The following AKAP6 variants were observed in gnomAD, a reference collection of about 807,000 sequenced individuals.
The protein encoded by AKAP6 is A-kinase anchor protein 6.
A neutral mutation model predicts 188.5 loss-of-function variants in AKAP6; 58 were observed. The observed-to-expected ratio is 0.31, with a 90% CI of 0.25 to 0.38. The LOEUF is 0.38. AKAP6 is among the 10% of genes least tolerant of loss of function. AKAP6 has a pLI of 1.00. For synonymous variants in AKAP6, 989 were observed against 998.6 expected (o/e 0.99, Z 0.18); for missense variants, 2,710 against 2,740.0 (o/e 0.99, Z 0.24).
chr14:32,493,742 A>G (rs1880160869), intron 2 of AKAP6, among the ~76,000 whole-genome samples: 1 of 152,178 alleles, frequency 6.6e-6, no homozygotes, highest in South Asian at 2.1e-4. Context: ...ATTCTATAAT[A>G]TTCCAGAATT....
intron 2 of AKAP6, among the ~76,000 whole-genome samples, chr14:32,439,619 C>T (rs1236588009): frequency 6.6e-6 from 1 of 152,114 alleles, no homozygotes; most frequent in Admixed American, 6.5e-5. Flanking sequence ...CCTCAGATGG[C>T]AGTGGTGCCA....
At chr14:32,475,149 C>T (rs1037622095) in intron 2 of AKAP6, among the ~76,000 whole-genome samples, 2 of 152,090 alleles carry the variant, frequency 1.3e-5, no homozygotes, top group South Asian at 2.1e-4. Context: ...CTTTGTTCAG[C>T]GCTTACTATA....
chr14:32,800,851 C>CA (rs567454959), intron 12 of AKAP6, among the ~76,000 whole-genome samples: 11 of 151,260 alleles, frequency 7.3e-5, no homozygotes, highest in African/African-American at 1.5e-4. Context: ...CCCATCTATG[C>CA]AAAAAAAATA....
intron 8 of AKAP6, among the ~76,000 whole-genome samples, chr14:32,678,888 T>A (rs1232516634): frequency 6.6e-6 from 1 of 152,202 alleles, no homozygotes; most frequent in Non-Finnish European, 1.5e-5. Context: ...GTGTAGAAAT[T>A]TAATAATTGT....
At chr14:32,404,691 G>GATAGATAGATAGATATATATATATATAT in intron 1 of AKAP6, among the ~76,000 whole-genome samples, 4 of 44,428 alleles carry the variant, frequency 9.0e-5, no homozygotes, top group African/African-American at 2.1e-4. Flanking sequence ...GGAGTCAGGA[G>GATAGATAGATAGATATATATATATATAT]ATATATATAT....
chr14:32,694,284 C>G (rs1035863409), intron 8 of AKAP6, among the ~76,000 whole-genome samples: 3 of 151,520 alleles, frequency 2.0e-5, no homozygotes, highest in South Asian at 2.1e-4. Flanking sequence ...TGGTGTGAAC[C>G]CGGGAGGCGG....
At chr14:32,589,932 A>G (rs1342066068) in intron 5 of AKAP6, among the ~76,000 whole-genome samples, 1 of 152,098 alleles carries the variant, frequency 6.6e-6, no homozygotes, top group African/African-American at 2.4e-5. Flanking sequence ...GTCACCTACA[A>G]TCTCTCTCCA....
chr14:32,534,693 C>T (rs760369553), intron 2 of AKAP6, among the ~76,000 whole-genome samples: 16 of 151,910 alleles, frequency 1.1e-4, no homozygotes, highest in East Asian at 1.9e-4. Context: ...AGGCTGGGTG[C>T]GGTGGCTCAG....
rs145430780 is a variant in AKAP6, at chr14:32,504,531, C to T, written c.325-31023C>T. Among the ~76,000 whole-genome samples, 150 of 152,258 alleles carry T rather than the reference C, an allele frequency of 9.9e-4. No homozygotes were observed. The East Asian group carries it at 0.021, about 22-fold the overall frequency. ...CTGAGCTCAAGTAATCTCCCCACCT[C>T]GGCCTCCCAGGGTGCTAGGATTACA... On this transcript the variant is annotated intron_variant, in intron 2 of 13. Coordinates refer to ENST00000280979, the MANE Select transcript of AKAP6 (RefSeq NM_004274.5).
chr14:32,443,354 C>G (rs1431627011), intron 2 of AKAP6, among the ~76,000 whole-genome samples: 1 of 151,760 alleles, frequency 6.6e-6, no homozygotes, highest in Non-Finnish European at 1.5e-5. Context: ...GATCACACCA[C>G]TGCACTCCAG....
chr14:32,771,341 G>GA (rs57706321), intron 11 of AKAP6, among the ~76,000 whole-genome samples: 91,876 of 140,946 alleles, frequency 0.65, 29,500 homozygotes, highest in East Asian at 0.88. Flanking sequence ...TCATTTAAAG[G>GA]AAAAAAAAAA....
chr14:32,567,061 A>G (rs1419129982), intron 4 of AKAP6, among the ~76,000 whole-genome samples: 2 of 152,116 alleles, frequency 1.3e-5, no homozygotes, highest in African/African-American at 4.8e-5. Context: ...TAGCTGGACT[A>G]CAGGTGCACA....
chr14:32,602,542 C>A (rs768722548), intron 7 of AKAP6, among the ~76,000 whole-genome samples: 2 of 151,966 alleles, frequency 1.3e-5, no homozygotes, highest in Non-Finnish European at 2.9e-5. Flanking sequence ...TGGTGACATG[C>A]GCCTATAATC....
intron 5 of AKAP6, among the ~76,000 whole-genome samples, chr14:32,584,616 G>A (rs59755849): frequency 0.24 from 36,192 of 152,036 alleles, 4,768 homozygotes; most frequent in East Asian, 0.58. Context: ...TTCATGACAC[G>A]TTGTAATTCT....
At chr14:32,520,672 T>C (rs1360906084) in intron 2 of AKAP6, among the ~76,000 whole-genome samples, 1 of 152,028 alleles carries the variant, frequency 6.6e-6, no homozygotes, top group Admixed American at 6.6e-5. Flanking sequence ...CTTAAACCAA[T>C]AACAGGCTCT....
intron 7 of AKAP6, among the ~76,000 whole-genome samples, chr14:32,664,468 TGA>T (rs1245829777): frequency 1.3e-5 from 2 of 151,730 alleles, no homozygotes; most frequent in Non-Finnish European, 2.9e-5. Flanking sequence ...TTATGTTTTT[TGA>T]GTTTTAATTT....
At chr14:32,805,452 G>A (rs1340721799) in intron 12 of AKAP6, among the ~76,000 whole-genome samples, 1 of 152,176 alleles carries the variant, frequency 6.6e-6, no homozygotes, top group Non-Finnish European at 1.5e-5. Flanking sequence ...GGGGAGACCT[G>A]GGAGAACTAT....
chr14:32,825,512 T>A (rs527273045), intron 13 of AKAP6, among the ~76,000 whole-genome samples: 2 of 152,338 alleles, frequency 1.3e-5, no homozygotes, highest in Admixed American at 6.5e-5. Context: ...AATTTTTGAA[T>A]TTTGCCTGAA....
rs1594932677 is a variant in AKAP6 at position 32,774,057 on chromosome 14, T to G, written c.3588+164T>G. On this transcript the variant is annotated intron_variant, in intron 12 of 13. Coordinates refer to ENST00000280979, the MANE Select transcript of AKAP6 (RefSeq NM_004274.5). Reference sequence around the variant, plus strand: ...TTTTAACTAACTAAAGCTCATAGTTTTACTACGAACTAGCTGTCCACTAAA... The same window carrying G: ...TTTTAACTAACTAAAGCTCATAGTTGTACTACGAACTAGCTGTCCACTAAA... The G allele has an allele frequency of 8.9e-6, 6 of 677,338 alleles. No individual in the cohort carries two copies. In the Admixed American group the frequency reaches 1.4e-4, roughly 16 times the overall value. 42.0% of individuals were successfully genotyped at this position (677,338 alleles called of 1,614,324 possible).
Sources: gnomAD v4.1 joint callset for allele counts (sites outside exome capture counted in the v4.1 genomes callset) on GRCh38, gnomAD v4.1.1 for gene constraint, MANE v1.5 for transcripts, NCBI Gene and HGNC (gene_info 2026-07-23, HGNC 2026-07-21) for gene names.